The following NFIA variants were observed in gnomAD, a reference collection of about 807,000 sequenced individuals.
The protein encoded by NFIA is nuclear factor 1 A-type.
NFIA carries 8 observed loss-of-function variants against 62.8 expected under a neutral mutation model. The ratio of observed to expected loss-of-function variants is 0.13; its 90% CI spans 0.07 to 0.23. The LOEUF is 0.23. NFIA is among the 10% of genes least tolerant of loss of function. The pLI is 1.00. For missense variants in NFIA, 410 were observed against 642.1 expected, an observed-to-expected ratio of 0.64 and a Z score of 3.91; for synonymous variants, 235 against 238.1, an observed-to-expected ratio of 0.99 and a Z score of 0.12.
chr1:61,178,910 G>GT (rs1316023781), intron 2 of NFIA, among the ~76,000 whole-genome samples: 1 of 152,226 alleles, frequency 6.6e-6, no homozygotes, highest in African/African-American at 2.4e-5. Flanking sequence ...GATTATCACT[G>GT]TGAGAGATTG....
At chr1:61,334,535 ATG>A (rs35661377) in intron 4 of NFIA, among the ~76,000 whole-genome samples, 8 of 58,566 alleles carry the variant, frequency 1.4e-4, no homozygotes, top group African/African-American at 6.9e-4. Flanking sequence ...GTGTGTATAT[ATG>A]TGTGTGTGTG....
chr1:61,371,766 CAGAG>C (rs1458699352), intron 6 of NFIA, among the ~76,000 whole-genome samples: 1 of 152,138 alleles, frequency 6.6e-6, no homozygotes, highest in Non-Finnish European at 1.5e-5. Context: ...AAGACAAAGA[CAGAG>C]AGGAACCTAG....
upstream of NFIA, among the ~76,000 whole-genome samples, chr1:61,080,975 T>C (rs1646087542): frequency 2.0e-5 from 3 of 151,666 alleles, no homozygotes; most frequent in South Asian, 4.1e-4. Flanking sequence ...TCACCCTCAC[T>C]TGTTAACACA....
rs143557983 is a variant in NFIA, at chr1:61,265,240, C to T, written c.560-12280C>T. On this transcript the variant is annotated intron_variant, in intron 2 of 10. Coordinates refer to ENST00000403491, the MANE Select transcript of NFIA (RefSeq NM_001134673.4). ...GGCTTCCAAGTGTGGTTCAAACATC[C>T]AAAGCACTCGAGATTAGCACCATGT... Among the ~76,000 whole-genome samples the T allele has an allele frequency of 2.3e-4, 35 of 152,130 alleles. No individual in the cohort carries two copies. In the East Asian group the frequency reaches 5.8e-3, roughly 25 times the overall value.
At chr1:61,193,728 G>C (rs944228449) in intron 2 of NFIA, among the ~76,000 whole-genome samples, 2 of 152,160 alleles carry the variant, frequency 1.3e-5, no homozygotes, top group Non-Finnish European at 2.9e-5. Context: ...CTAGGTCCTA[G>C]AAATAAAATT....
intron 7 of NFIA, among the ~76,000 whole-genome samples, chr1:61,384,143 T>C (rs1290472742): frequency 1.3e-5 from 2 of 152,216 alleles, no homozygotes; most frequent in Non-Finnish European, 2.9e-5. Flanking sequence ...ATTGTAGCCA[T>C]GTTTGCTTTC....
At chr1:61,406,929 G>A (rs1244063140) in intron 9 of NFIA, among the ~76,000 whole-genome samples, 1 of 152,158 alleles carries the variant, frequency 6.6e-6, no homozygotes, top group African/African-American at 2.4e-5. Context: ...ACTGGGTGTT[G>A]GGTGGATGAG....
intron 3 of NFIA, among the ~76,000 whole-genome samples, chr1:61,289,567 A>G (rs1557685183): frequency 6.6e-6 from 1 of 152,232 alleles, no homozygotes; most frequent in African/African-American, 2.4e-5. Flanking sequence ...CTCTGGTTCT[A>G]TAATGTATTG....
At chr1:61,382,619 C>G (rs917058353) in intron 6 of NFIA, among the ~76,000 whole-genome samples, 10 of 152,102 alleles carry the variant, frequency 6.6e-5, no homozygotes, top group African/African-American at 2.4e-4. Context: ...AAATGTTTTG[C>G]CACATCATTA....
chr1:61,298,504 CAG>C (rs1659316243), intron 3 of NFIA, among the ~76,000 whole-genome samples: 1 of 152,104 alleles, frequency 6.6e-6, no homozygotes, highest in Non-Finnish European at 1.5e-5. Context: ...TCACTGTCAC[CAG>C]AGCTTGCTTT....
chr1:61,178,980 G>A (rs138126234), intron 2 of NFIA, among the ~76,000 whole-genome samples: 8 of 152,298 alleles, frequency 5.3e-5, no homozygotes, highest in African/African-American at 1.7e-4. Flanking sequence ...TTGTTTAACT[G>A]AGAAGCAACT....
At chr1:61,082,530 A>T (rs908277647), upstream of NFIA, 7 of 1,371,784 alleles carry the variant, frequency 5.1e-6, no homozygotes, top group South Asian at 3.2e-5. Context: ...TACAGTAGGC[A>T]TGTATAGTGG....
intron 7 of NFIA, among the ~76,000 whole-genome samples, chr1:61,400,992 TAGC>T (rs1665531862): frequency 6.6e-6 from 1 of 151,092 alleles, no homozygotes; most frequent in African/African-American, 2.4e-5. Context: ...AGAAGAGGAA[TAGC>T]AGGTTATCTA....
chr1:61,420,456 G>A (rs1459374110), intron 9 of NFIA, among the ~76,000 whole-genome samples: 1 of 151,310 alleles, frequency 6.6e-6, no homozygotes, highest in East Asian at 1.9e-4. Context: ...CCACCTCCTT[G>A]TTTCAGTTTG....
At chr1:61,192,505 GC>G (rs1651704939) in intron 2 of NFIA, among the ~76,000 whole-genome samples, 1 of 151,608 alleles carries the variant, frequency 6.6e-6, no homozygotes, top group African/African-American at 2.4e-5. Flanking sequence ...TTTGAGACCA[GC>G]CTGACCAACA....
chr1:61,086,340 TA>T (rs1557554080), intron 1 of NFIA, among the ~76,000 whole-genome samples: 3 of 152,166 alleles, frequency 2.0e-5, no homozygotes, highest in Non-Finnish European at 4.4e-5. Flanking sequence ...GTTTGGCGTA[TA>T]CCTTTGCAGA....
At chr1:61,343,914 C>T (rs1364232240) in intron 4 of NFIA, among the ~76,000 whole-genome samples, 1 of 152,198 alleles carries the variant, frequency 6.6e-6, no homozygotes, top group Non-Finnish European at 1.5e-5. Context: ...AGTCTATGTT[C>T]GTGTTACCTC....
chr1:61,461,960 TTG>T lies in NFIA; in HGVS notation c.*6644_*6645del, dbSNP rs1019456715. 6.6e-6 allele frequency: 1 copy of T among 151,942 alleles called. No individual in the cohort carries two copies. Among genetic ancestry groups the T allele is most frequent in the African/African-American group, 2.4e-5 (1 of 41,388 alleles). 9.4% of individuals were successfully genotyped at this position (151,942 alleles called of 1,614,324 possible). On this transcript the variant is annotated 3_prime_UTR_variant, in exon 11 of 11. Transcript: ENST00000403491. ...AGCTTTTATTTTTCCTTTGACTTAT[TTG>T]TGTTGTTCTTATTTTTTAAATTTTT... is the stretch of plus-strand genomic sequence containing the variant.
chr1:61,228,964 G>A (rs957456714), intron 2 of NFIA, among the ~76,000 whole-genome samples: 2 of 151,784 alleles, frequency 1.3e-5, no homozygotes, highest in Non-Finnish European at 2.9e-5. Flanking sequence ...TGCCTTTAAA[G>A]GTTAATTATT....
Sources: allele counts gnomAD v4.1 joint callset (sites outside exome capture counted in the v4.1 genomes callset), GRCh38; gene constraint gnomAD v4.1.1; transcripts MANE v1.5; gene names NCBI Gene and HGNC (gene_info 2026-07-23, HGNC 2026-07-21).